LHFPL3: variants seen among roughly 807,000 people sequenced by gnomAD.
The protein encoded by LHFPL3 is LHFPL tetraspan subfamily member 3.
Under a neutral mutation model 19.3 loss-of-function variants are expected in LHFPL3, and 5 were observed. The observed-to-expected ratio is 0.26, with a 90% CI of 0.14 to 0.54. The LOEUF (loss-of-function observed/expected upper bound fraction) is 0.54, where lower values mean the gene tolerates loss of function less well. LHFPL3 is among the 20% of genes least tolerant of loss of function. The probability of loss-of-function intolerance (pLI) is 0.94; values close to 1 mark genes in which losing one functional copy is unlikely to be tolerated. For missense variants in LHFPL3, 249 were observed against 307.4 expected (o/e 0.81, Z 1.42); for synonymous variants, 133 against 126.2 (o/e 1.05, Z -0.36).
chr7:104,713,955 T>C (rs1354820272), intron 1 of LHFPL3, among the ~76,000 whole-genome samples: 2 of 152,138 alleles, frequency 1.3e-5, no homozygotes, highest in African/African-American at 2.4e-5. Flanking sequence ...CTAGCCTCCA[T>C]GTTCAAAGCA....
At chr7:104,836,320 A>G (rs1791095251) in intron 2 of LHFPL3, among the ~76,000 whole-genome samples, 1 of 152,180 alleles carries the variant, frequency 6.6e-6, no homozygotes, top group Non-Finnish European at 1.5e-5. Context: ...GATGGGAGCC[A>G]CTGGAGGCTT....
chr7:104,328,932 C>T lies in LHFPL3; in HGVS notation c.153C>T (p.Asn51=), dbSNP rs1801517395. The T allele has an allele frequency of 1.2e-6, 2 of 1,614,100 alleles. No homozygotes were observed. Among genetic ancestry groups the T allele is most frequent in the Admixed American group, 1.7e-5 (1 of 60,018 alleles). The change falls in exon 1 of 3, where the codon AAC becomes AAT. Residue 51 remains asparagine (N), a synonymous_variant. Coordinates refer to ENST00000424859, the MANE Select transcript of LHFPL3 (RefSeq NM_199000.3). The surrounding 1 kb of genome is among the most constrained non-coding windows in gnomAD (Gnocchi z 4.6). The part of the protein sequence containing the change: ...AIFTICFAIV[N]VVCFIQPYWI... Reference sequence around the variant, plus strand: ...TCACCATCTGCTTTGCCATCGTCAACGTGGTGTGCTTCATCCAGCCCTACT... The same window carrying T: ...TCACCATCTGCTTTGCCATCGTCAATGTGGTGTGCTTCATCCAGCCCTACT...
At chr7:104,589,130 C>G (rs1398112901) in intron 1 of LHFPL3, among the ~76,000 whole-genome samples, 1 of 152,110 alleles carries the variant, frequency 6.6e-6, no homozygotes, top group Non-Finnish European at 1.5e-5. Flanking sequence ...TTGCCCTGGC[C>G]AGAACTTCCA....
chr7:104,657,444 G>A (rs1465783159), intron 1 of LHFPL3, among the ~76,000 whole-genome samples: 2 of 152,138 alleles, frequency 1.3e-5, no homozygotes, highest in African/African-American at 4.8e-5. Flanking sequence ...AAAATAAAAA[G>A]TCTAGATTTT....
At chr7:104,649,109 G>A (rs117983951) in intron 1 of LHFPL3, among the ~76,000 whole-genome samples, 2,311 of 152,314 alleles carry the variant, frequency 0.015, 31 homozygotes, top group Non-Finnish European at 0.022. Flanking sequence ...TTGAGAGAGG[G>A]TTTGACTGTT....
intron 1 of LHFPL3, among the ~76,000 whole-genome samples, chr7:104,485,814 C>A (rs542352853): frequency 1.3e-5 from 2 of 152,150 alleles, no homozygotes; most frequent in South Asian, 4.1e-4. Flanking sequence ...GTGATGTTCT[C>A]TGCCCTGTGT....
chr7:104,417,282 G>A (rs1056493962), intron 1 of LHFPL3, among the ~76,000 whole-genome samples: 1 of 152,046 alleles, frequency 6.6e-6, no homozygotes, highest in Non-Finnish European at 1.5e-5. Context: ...GTCTTCAACT[G>A]CATATTCACA....
At chr7:104,680,658 A>T (rs900192510) in intron 1 of LHFPL3, among the ~76,000 whole-genome samples, 7 of 152,172 alleles carry the variant, frequency 4.6e-5, no homozygotes, top group Non-Finnish European at 1.0e-4. Context: ...GTTTTGTGTC[A>T]TGGTTATACA....
chr7:104,355,677 A>G (rs6966494), intron 1 of LHFPL3, among the ~76,000 whole-genome samples: 22,440 of 152,208 alleles, frequency 0.15, 2,587 homozygotes, highest in African/African-American at 0.33. Flanking sequence ...TTTTTAACAA[A>G]TAGTTGGTTG....
chr7:104,372,862 C>A (rs1258940508), intron 1 of LHFPL3, among the ~76,000 whole-genome samples: 4 of 152,136 alleles, frequency 2.6e-5, no homozygotes, highest in Non-Finnish European at 5.9e-5. Context: ...TTTTCTTATA[C>A]ATTGTCCAGT....
intron 2 of LHFPL3, among the ~76,000 whole-genome samples, chr7:104,835,672 A>C (rs1256274624): frequency 6.6e-6 from 1 of 151,890 alleles, no homozygotes; most frequent in Non-Finnish European, 1.5e-5. Context: ...TTTTTACAAA[A>C]ATTGTATCAA....
At chr7:104,766,507 A>G (rs982852810) in intron 2 of LHFPL3, among the ~76,000 whole-genome samples, 5 of 152,186 alleles carry the variant, frequency 3.3e-5, no homozygotes, top group Admixed American at 6.5e-5. Flanking sequence ...CTGGAAAACT[A>G]TAATTGGCCC....
intron 1 of LHFPL3, among the ~76,000 whole-genome samples, chr7:104,433,677 C>T (rs1465922737): frequency 6.6e-6 from 1 of 152,216 alleles, no homozygotes; most frequent in African/African-American, 2.4e-5. Flanking sequence ...CCTAGAATGC[C>T]TTTTGCCCCT....
intron 1 of LHFPL3, among the ~76,000 whole-genome samples, chr7:104,549,425 C>CT (rs1201215081): frequency 6.8e-6 from 1 of 146,648 alleles, no homozygotes; most frequent in African/African-American, 2.5e-5. Context: ...AGCTATGCTC[C>CT]TTTTGGCACA....
At chr7:104,348,037 CAG>C (rs755659489) in intron 1 of LHFPL3, among the ~76,000 whole-genome samples, 6 of 151,382 alleles carry the variant, frequency 4.0e-5, no homozygotes, top group Admixed American at 2.6e-4. Context: ...ATTTTTCCCA[CAG>C]AGTCAGTGCA....
At chr7:104,697,145 T>C (rs1207254576) in intron 1 of LHFPL3, among the ~76,000 whole-genome samples, 1 of 152,172 alleles carries the variant, frequency 6.6e-6, no homozygotes, top group Non-Finnish European at 1.5e-5. Context: ...ATGAGGGCTC[T>C]GCCCTCATGA....
intron 1 of LHFPL3, among the ~76,000 whole-genome samples, chr7:104,727,959 GC>G (rs2116269322): frequency 6.6e-6 from 1 of 152,218 alleles, no homozygotes; most frequent in South Asian, 2.1e-4. Context: ...GAAAAGTTAG[GC>G]CTGTTTTTGA....
intron 1 of LHFPL3, among the ~76,000 whole-genome samples, chr7:104,508,736 C>T (rs1211506258): frequency 6.6e-6 from 1 of 150,514 alleles, no homozygotes. Context: ...AAAATAAACC[C>T]AAAGCAAGCA....
chr7:104,814,400 A>C (rs537657498), intron 2 of LHFPL3, among the ~76,000 whole-genome samples: 1 of 152,172 alleles, frequency 6.6e-6, no homozygotes, highest in East Asian at 1.9e-4. Flanking sequence ...TCCTCTTTGC[A>C]GCTGATCATC....
Sources: gnomAD v4.1 joint callset for allele counts (sites outside exome capture counted in the v4.1 genomes callset) on GRCh38, gnomAD v4.1.1 for gene constraint, Gnocchi (gnomAD v3.1) non-coding constraint, MANE v1.5 for transcripts, NCBI Gene and HGNC (gene_info 2026-07-23, HGNC 2026-07-21) for gene names.